AR: variants seen among roughly 807,000 people sequenced by gnomAD.
AR encodes the protein dihydrotestosterone receptor.
A neutral mutation model predicts 53.9 loss-of-function variants in AR; 8 were observed. The observed-to-expected ratio is 0.15, with a 90% CI of 0.09 to 0.27. The LOEUF is 0.27. Ranked by LOEUF, AR falls within the 10% of genes least tolerant of loss-of-function variation. The probability of loss-of-function intolerance (pLI) is 1.00; values close to 1 mark genes in which losing one functional copy is unlikely to be tolerated. For missense variants in AR, 639 were observed against 742.5 expected (o/e 0.86, Z 1.62); for synonymous variants, 359 against 316.4 (o/e 1.13, Z -1.43).
intron 2 of AR, among the ~76,000 whole-genome samples, chrX:67,655,644 G>T (rs1447505886): frequency 9.0e-6 from 1 of 110,883 alleles, no homozygotes; most frequent in Non-Finnish European, 1.9e-5. Flanking sequence ...TTGATCTTAG[G>T]TCTAATATCC....
intron 3 of AR, chrX:67,694,692 T>C (rs1321129314): frequency 8.7e-7 from 1 of 1,154,634 alleles, no homozygotes; most frequent in South Asian, 1.9e-5. Flanking sequence ...GGGTTGGCAA[T>C]TGCAAGCATC....
chrX:67,717,713 T>C (rs1250794326), intron 5 of AR, 91 bp downstream of exon 5: 12 of 1,135,477 alleles, frequency 1.1e-5, no homozygotes, highest in Non-Finnish European at 1.1e-5. Context: ...CAGTGAAGCT[T>C]AGCTCATTTG....
At chrX:67,629,665 C>A (rs1242297060) in intron 1 of AR, among the ~76,000 whole-genome samples, 1 of 108,899 alleles carries the variant, frequency 9.2e-6, no homozygotes, top group Admixed American at 9.8e-5. Context: ...TTAGTTATTT[C>A]TTGCCTTCTG....
At chrX:67,679,953 T>A (rs1029575940) in intron 2 of AR, among the ~76,000 whole-genome samples, 1 of 112,309 alleles carries the variant, frequency 8.9e-6, no homozygotes, top group Non-Finnish European at 1.9e-5. Flanking sequence ...TTTTCTTCAT[T>A]GTCAATAACT....
chrX:67,552,408 C>G (rs977219225), intron 1 of AR, among the ~76,000 whole-genome samples: 1 of 112,432 alleles, frequency 8.9e-6, no homozygotes, highest in Non-Finnish European at 1.9e-5. Flanking sequence ...CACATTCTAT[C>G]TATCCATTTA....
rs768453370 is a variant in AR, at chrX:67,725,146, C to A, written c.*1305C>A. On this transcript the variant is annotated 3_prime_UTR_variant, in exon 8 of 8. Transcript: ENST00000374690. The stretch of plus-strand genomic sequence containing the variant: ...CATCACACTGCATTTCAGCCATGGT[C>A]ATCAAGCCTGTTTGCTTCTTTTGGG... 1.1e-5 allele frequency: 2 copies of A among 174,461 alleles called. No individual in the cohort carries two copies. Among genetic ancestry groups the A allele is most frequent in the South Asian group, 6.4e-4 (2 of 3,129 alleles). The allele number at this position is 174,461 out of a possible 1,213,427, so 14.4% of individuals were successfully genotyped here. A position where few individuals can be genotyped will look rare whatever the true frequency, so the allele number is the denominator to read the frequency against.
rs1035114992 is a variant in AR at position 67,546,357 on chromosome X, C to G, written c.1211C>G (p.Ala404Gly). The change falls in exon 1 of 8, where the codon GCG (alanine) becomes GGG (glycine). Residue 404 changes from alanine to glycine, a missense_variant. Transcript: ENST00000374690. The stretch of plus-strand genomic sequence containing the variant: ...GGCAGCGCCTGGGCGGCTGCGGCGG[C>G]GCAGTGCCGCTATGGGGACCTGGCG... ...DYGSAWAAAA[A>G]QCRYGDLASL... The G allele has an allele frequency of 8.4e-7, 1 of 1,184,405 alleles. No individual in the cohort carries two copies. Among genetic ancestry groups the G allele is most frequent in the Non-Finnish European group, 1.1e-6 (1 of 882,994 alleles).
chrX:67,553,721 T>G (rs981070597), intron 1 of AR, among the ~76,000 whole-genome samples: 3 of 112,610 alleles, frequency 2.7e-5, no homozygotes, highest in Non-Finnish European at 5.6e-5. Context: ...GTCTTCCTTT[T>G]GTCAACAATT....
At chrX:67,682,023 A>G (rs1055127008) in intron 2 of AR, among the ~76,000 whole-genome samples, 4 of 111,939 alleles carry the variant, frequency 3.6e-5, no homozygotes, top group Non-Finnish European at 7.5e-5. Flanking sequence ...AAAATTCAAC[A>G]TCATTTTATG....
At chrX:67,718,603 C>T (rs1165521939) in intron 5 of AR, among the ~76,000 whole-genome samples, 5 of 111,112 alleles carry the variant, frequency 4.5e-5, no homozygotes, top group Non-Finnish European at 9.4e-5. Flanking sequence ...AAAAAAGTCC[C>T]TTTCTGATTC....
intron 4 of AR, among the ~76,000 whole-genome samples, chrX:67,713,426 T>A (rs1006150582): frequency 5.4e-5 from 6 of 111,798 alleles, no homozygotes; most frequent in Non-Finnish European, 1.1e-4. Flanking sequence ...TATCACTTTT[T>A]CATCTGGATA....
intron 6 of AR, 155 bp from the exon 7 acceptor site, chrX:67,722,672 G>A: frequency 1.7e-6 from 1 of 584,757 alleles, no homozygotes; most frequent in South Asian, 2.6e-5. Context: ...ACAGACTGAA[G>A]GCCCCAAGCA....
In AR at chrX:67,696,153, CT is replaced by C. The variant is rs2076020039; in HGVS notation, c.1885+10035del. 3 of 698,945 alleles carry C rather than the reference CT, an allele frequency of 4.3e-6. No individual in the cohort carries two copies. In the African/African-American group the frequency reaches 7.4e-5, roughly 17 times the overall value. The allele number at this position is 698,945 out of a possible 1,213,427, so 57.6% of individuals were successfully genotyped here. On this transcript the variant is annotated intron_variant, in intron 3 of 7. Coordinates refer to ENST00000374690, the MANE Select transcript of AR (RefSeq NM_000044.6). ...GGATCTTTTTTCTTTTTTTTTTTTCCTTTTTTTTCTCTCTCGTTTGCTTTCC... is the reference window on the plus strand; with the variant it reads ...GGATCTTTTTTCTTTTTTTTTTTTCCTTTTTTTCTCTCTCGTTTGCTTTCC...
At chrX:67,605,344 C>CA (rs1316672517) in intron 1 of AR, among the ~76,000 whole-genome samples, 2 of 112,196 alleles carry the variant, frequency 1.8e-5, no homozygotes, top group Non-Finnish European at 3.8e-5. Context: ...GGAATGAGTT[C>CA]AGTAGGAATC....
At chrX:67,652,627 A>T (rs2015002430) in intron 2 of AR, among the ~76,000 whole-genome samples, 1 of 111,614 alleles carries the variant, frequency 9.0e-6, no homozygotes, top group Admixed American at 9.5e-5. Flanking sequence ...CCTGCCTAAT[A>T]GCTAATTAGC....
intron 1 of AR, among the ~76,000 whole-genome samples, chrX:67,571,820 A>G (rs781246139): frequency 7.2e-5 from 8 of 110,847 alleles, no homozygotes; most frequent in African/African-American, 2.3e-4. Flanking sequence ...TGAATGTAAA[A>G]TAATGAAAAT....
chrX:67,557,440 A>G (rs936892255), intron 1 of AR, among the ~76,000 whole-genome samples: 1 of 112,216 alleles, frequency 8.9e-6, no homozygotes, highest in African/African-American at 3.2e-5. Context: ...CAAGAGTTTG[A>G]TTTTTGACTT....
rs931586796 is a variant in AR, at chrX:67,590,112, A to T, written c.1616+43350A>T. Among the ~76,000 whole-genome samples, 3 of 110,072 alleles carry T rather than the reference A, an allele frequency of 2.7e-5. No homozygotes were observed. The Admixed American group carries it at 2.9e-4, about 11-fold the overall frequency. ...TTTTTTTCATCTTCCCAGGTGTTTG[A>T]TGATCACTAAGAGCTTCAACATTGC... On this transcript the variant is annotated intron_variant, in intron 1 of 7. Coordinates refer to ENST00000374690, the MANE Select transcript of AR (RefSeq NM_000044.6).
At chrX:67,665,126 C>T (rs1251993214) in intron 2 of AR, among the ~76,000 whole-genome samples, 1 of 112,906 alleles carries the variant, frequency 8.9e-6, no homozygotes, top group Non-Finnish European at 1.9e-5. Context: ...CACTGTCCTG[C>T]ACCCACCATT....
Sources: gnomAD v4.1 joint callset for allele counts (sites outside exome capture counted in the v4.1 genomes callset) on GRCh38, gnomAD v4.1.1 for gene constraint, MANE v1.5 for transcripts, NCBI Gene and HGNC (gene_info 2026-07-23, HGNC 2026-07-21) for gene names.